The following FBXO15 variants were observed in gnomAD, a reference collection of about 807,000 sequenced individuals.
FBXO15 encodes the protein F-box protein 15.
A neutral mutation model predicts 49.5 loss-of-function variants in FBXO15; 30 were observed. That is an observed-to-expected ratio of 0.61 (90% CI 0.45 to 0.82). FBXO15 has a LOEUF of 0.82. Among genes scored for constraint, FBXO15 ranks in the 40% least tolerant of loss-of-function variants. The pLI, the probability that FBXO15 is intolerant of heterozygous loss-of-function variation, is 0.00. For synonymous variants in FBXO15, 250 were observed against 232.7 expected (o/e 1.07, Z -0.68); for missense variants, 591 against 631.5 (o/e 0.94, Z 0.69).
chr18:74,076,960 G>A (rs1026472023), intron 9 of FBXO15, among the ~76,000 whole-genome samples: 12 of 152,154 alleles, frequency 7.9e-5, no homozygotes, highest in Admixed American at 2.0e-4. Context: ...CATTCAGTTC[G>A]AATACCAGTC....
chr18:74,123,574 A>T (rs2145189433), intron 7 of FBXO15, 64 bp from the exon 8 acceptor site: 1 of 1,537,980 alleles, frequency 6.5e-7, no homozygotes, highest in Admixed American at 2.2e-5. Context: ...TCTTGGTTTG[A>T]AAATACTTTT....
Position 74,123,357 on chromosome 18 carries a change from A to G in FBXO15, c.1138+11T>C. 6.3e-7 allele frequency: 1 copy of G among 1,593,170 alleles called. No homozygotes were observed. The highest frequency in any genetic ancestry group is 1.2e-5 in the South Asian group (1 of 86,486). On this transcript the variant is annotated intron_variant, in intron 8 of 9. Coordinates refer to ENST00000419743, the MANE Select transcript of FBXO15 (RefSeq NM_001142958.2). ...AATTTCATAATGAAATAAAAACTCA[A>G]TCAATTTCACCTCTCTTGGTGAAGA...
In FBXO15 at chr18:74,101,426, C is replaced by T. The variant is rs529645288; in HGVS notation, c.1139-19375G>A. ...CATACCTCAATGTAATAAAAGCCTACAAGGAAAACTACAAAACACTGCTGA... is the reference window on the plus strand; with the variant it reads ...CATACCTCAATGTAATAAAAGCCTATAAGGAAAACTACAAAACACTGCTGA... On this transcript the variant is annotated intron_variant, in intron 8 of 9. Transcript: ENST00000419743. Among the ~76,000 whole-genome samples, 124 of 152,120 alleles carry T rather than the reference C, an allele frequency of 8.2e-4. No individual in the cohort carries two copies. In the South Asian group the frequency reaches 0.025, roughly 30 times the overall value.
chr18:74,096,712 T>C (rs540066880), intron 8 of FBXO15, among the ~76,000 whole-genome samples: 1 of 150,136 alleles, frequency 6.7e-6, no homozygotes, highest in Non-Finnish European at 1.5e-5. Context: ...AAGATGGCGA[T>C]ATGTGAGCTT....
chr18:74,118,409 T>TACACATATATATATATATGTGTATATAC (rs1914326311), intron 8 of FBXO15, among the ~76,000 whole-genome samples: 1 of 137,980 alleles, frequency 7.2e-6, no homozygotes, highest in Non-Finnish European at 1.5e-5. Flanking sequence ...TACACATATA[T>TACACATATATATATATATGTGTATATAC]ACACATATAT....
chr18:74,120,023 A>T (rs1012999965), intron 8 of FBXO15, among the ~76,000 whole-genome samples: 2 of 152,216 alleles, frequency 1.3e-5, no homozygotes, highest in Admixed American at 1.3e-4. Context: ...GGCTGCAGCC[A>T]TGGAGAGCAG....
chr18:74,125,166 C>T (rs1205643407), intron 6 of FBXO15, among the ~76,000 whole-genome samples: 2 of 152,172 alleles, frequency 1.3e-5, no homozygotes, highest in Non-Finnish European at 2.9e-5. Flanking sequence ...CTCCAGTAGC[C>T]AGGCAGAGGA....
intron 3 of FBXO15, among the ~76,000 whole-genome samples, chr18:74,133,674 C>G (rs943329097): frequency 2.0e-5 from 3 of 152,176 alleles, no homozygotes; most frequent in Non-Finnish European, 2.9e-5. Context: ...GCAGGCTATA[C>G]AAGGAGCACA....
intron 8 of FBXO15, among the ~76,000 whole-genome samples, chr18:74,088,828 A>G (rs1343183834): frequency 9.2e-5 from 14 of 152,208 alleles, no homozygotes; most frequent in Non-Finnish European, 4.4e-5. Flanking sequence ...GATTTTTCCT[A>G]TCCATCAGCA....
intron 7 of FBXO15, 108 bp from the exon 8 acceptor site, chr18:74,123,618 C>T (rs545640621): frequency 1.7e-6 from 2 of 1,177,940 alleles, no homozygotes; most frequent in South Asian, 1.6e-5. Context: ...AGCACTACCT[C>T]CTACAAATGA....
intron 8 of FBXO15, among the ~76,000 whole-genome samples, chr18:74,105,175 G>A (rs1045464075): frequency 2.6e-5 from 4 of 152,110 alleles, no homozygotes; most frequent in African/African-American, 9.7e-5. Flanking sequence ...ACAGAGATGA[G>A]GAGAAGTTAA....
chr18:74,125,907 A>C, intron 6 of FBXO15, 68 bp downstream of exon 6: 5 of 1,582,734 alleles, frequency 3.2e-6, no homozygotes, highest in Non-Finnish European at 4.3e-6. Flanking sequence ...GAAGTCATAC[A>C]TAATGGTAAG....
intron 1 of FBXO15, 190 bp downstream of exon 1, chr18:74,147,480 A>C: frequency 8.2e-7 from 1 of 1,226,730 alleles, no homozygotes; most frequent in Non-Finnish European, 1.0e-6. Context: ...TATTTGTGTC[A>C]TAACTTAGGG....
At chr18:74,143,342 A>C (rs1183434158) in intron 1 of FBXO15, among the ~76,000 whole-genome samples, 1 of 152,192 alleles carries the variant, frequency 6.6e-6, no homozygotes, top group Non-Finnish European at 1.5e-5. Flanking sequence ...TGATGGATCA[A>C]TTTTAATCTA....
At chr18:74,082,854 A>G (rs1024765871) in intron 8 of FBXO15, among the ~76,000 whole-genome samples, 1 of 152,244 alleles carries the variant, frequency 6.6e-6, no homozygotes, top group South Asian at 2.1e-4. Context: ...CAAAGGGAAG[A>G]TGCAAGTCAC....
intron 8 of FBXO15, chr18:74,122,750 C>T (rs546093231): frequency 6.6e-6 from 1 of 152,108 alleles, no homozygotes; most frequent in Non-Finnish European, 1.5e-5. Flanking sequence ...AATATTTTTA[C>T]CAGAAATGTT....
At chr18:74,082,168 A>T in intron 8 of FBXO15, 117 bp from the exon 9 acceptor site, 1 of 1,000,036 alleles carries the variant, frequency 1.0e-6, no homozygotes, top group Middle Eastern at 2.2e-4. Flanking sequence ...GGCCTCAGCG[A>T]TGAGGGCAAC....
chr18:74,107,673 G>A (rs1913831462), intron 8 of FBXO15, among the ~76,000 whole-genome samples: 1 of 152,130 alleles, frequency 6.6e-6, no homozygotes, highest in Admixed American at 6.6e-5. Flanking sequence ...AAACTTCAGG[G>A]GGACCCAGTC....
At position 74,074,329 on chromosome 18, in the gene FBXO15, A is replaced by G. The variant is rs1912165028; in HGVS notation, c.1264-599T>C. On this transcript the variant is annotated intron_variant, in intron 9 of 9. Coordinates refer to ENST00000419743, the MANE Select transcript of FBXO15 (RefSeq NM_001142958.2). This position sits in a 1 kb window ranked among gnomAD's most constrained non-coding sequence, Gnocchi z 4.7. The stretch of plus-strand genomic sequence containing the variant: ...CTGCCTCTCCCTCTCACTCTCTCCC[A>G]AGTCTTCCAAGTCTCACTGTCATCC... 6.6e-6 allele frequency among the ~76,000 whole-genome samples: 1 copy of G among 151,954 alleles called. No individual in the cohort carries two copies. Among genetic ancestry groups the G allele is most frequent in the Non-Finnish European group, 1.5e-5 (1 of 67,990 alleles).
Sources: gnomAD v4.1 joint callset for allele counts (sites outside exome capture counted in the v4.1 genomes callset) on GRCh38, gnomAD v4.1.1 for gene constraint, Gnocchi (gnomAD v3.1) non-coding constraint, MANE v1.5 for transcripts, NCBI Gene and HGNC (gene_info 2026-07-23, HGNC 2026-07-21) for gene names.